The following ZNF106 variants were observed in gnomAD, a reference collection of about 807,000 sequenced individuals.
ZNF106 encodes the protein SH3-domain binding protein 3.
Under a neutral mutation model 195.1 loss-of-function variants are expected in ZNF106, and 67 were observed. The observed-to-expected ratio is 0.34, with a 90% CI of 0.28 to 0.42. The LOEUF is 0.42. ZNF106 is among the 10% of genes least tolerant of loss of function. The probability of loss-of-function intolerance (pLI) is 1.00; values close to 1 mark genes in which losing one functional copy is unlikely to be tolerated. For missense variants in ZNF106, 2,118 were observed against 2,304.5 expected, an observed-to-expected ratio of 0.92 and a Z score of 1.66; for synonymous variants, 784 against 818.6, an observed-to-expected ratio of 0.96 and a Z score of 0.72.
In ZNF106 at chr15:42,457,621, C is replaced by T. The variant is rs943851439; in HGVS notation, c.117-463G>A. 3.5e-5 allele frequency: 28 copies of T among 808,094 alleles called. No homozygotes were observed. In the East Asian group the frequency reaches 3.5e-4, roughly 10 times the overall value. 50.1% of individuals were successfully genotyped at this position (808,094 alleles called of 1,614,324 possible). A position where few individuals can be genotyped will look rare whatever the true frequency, so the allele number is the denominator to read the frequency against. ...AAGGGGTGGAAACAAGAGTAGGTGG[C>T]GCAGCCAATCCCAAGTCGGTAACTA... On this transcript the variant is annotated intron_variant, in intron 3 of 21. Coordinates refer to ENST00000564754, the MANE Select transcript of ZNF106 (RefSeq NM_001366845.3).
chr15:42,422,486 G>T lies in ZNF106; in HGVS notation c.5373+15C>A. ...CCCCAAATCATTCAAGCAAAATACT[G>T]AATCTAAATTCTACCTGTAATTCAT... On this transcript the variant is annotated intron_variant, in intron 18 of 21. Coordinates refer to ENST00000564754, the MANE Select transcript of ZNF106 (RefSeq NM_001366845.3). 6.2e-7 allele frequency: 1 copy of T among 1,609,520 alleles called. No individual in the cohort carries two copies.
chr15:42,418,020 A>AG, intron 20 of ZNF106, 69 bp from the exon 21 acceptor site: 1 of 1,508,764 alleles, frequency 6.6e-7, no homozygotes, highest in South Asian at 1.3e-5. Context: ...AACAGCCCCC[A>AG]GCTGGATCCC....
intron 2 of ZNF106, 108 bp downstream of exon 2, chr15:42,472,128 C>G: frequency 9.4e-7 from 1 of 1,067,160 alleles, no homozygotes; most frequent in Non-Finnish European, 1.3e-6. Flanking sequence ...ATTGTCAAAG[C>G]TTTTCCTATT....
intron 15 of ZNF106, among the ~76,000 whole-genome samples, chr15:42,426,517 A>G (rs1566997474): frequency 6.7e-6 from 1 of 149,788 alleles, no homozygotes; most frequent in Non-Finnish European, 1.5e-5. Context: ...CACCTGCCTC[A>G]GCTTCCTGAG....
At chr15:42,423,100 G>A (rs1452658653) in intron 17 of ZNF106, among the ~76,000 whole-genome samples, 1 of 151,940 alleles carries the variant, frequency 6.6e-6, no homozygotes, top group Non-Finnish European at 1.5e-5. Flanking sequence ...GGGCACAGTG[G>A]CTCACACCTA....
In ZNF106 at chr15:42,421,956, G is replaced by C. The variant is rs999927077; in HGVS notation, c.5406C>G (p.His1802Gln). Reference sequence around the variant, plus strand: ...TGGTCATACACATAATCATGTCTTTGTGTCCTCCATAAACTTGTAATCGAT... The same window carrying C: ...TGGTCATACACATAATCATGTCTTTCTGTCCTCCATAAACTTGTAATCGAT... ...SHDRLQVYGG[H>Q]KDMIMCMTIH... Residue 1802 changes from histidine to glutamine, a missense_variant, in exon 19 of 22, where the codon CAC (histidine) becomes CAG (glutamine). Transcript: ENST00000564754. The C allele has an allele frequency of 2.5e-6, 4 of 1,582,522 alleles. No homozygotes were observed.
intron 1 of ZNF106, among the ~76,000 whole-genome samples, chr15:42,477,526 T>C (rs1454607085): frequency 6.6e-6 from 1 of 152,168 alleles, no homozygotes; most frequent in Non-Finnish European, 1.5e-5. Flanking sequence ...GGAGGATGGC[T>C]TGAAGCCAGG....
intron 1 of ZNF106, among the ~76,000 whole-genome samples, chr15:42,486,955 C>T (rs2057029554): frequency 6.6e-6 from 1 of 151,650 alleles, no homozygotes; most frequent in Non-Finnish European, 1.5e-5. Flanking sequence ...TTGAGACCAG[C>T]CTGGCCAACA....
chr15:42,475,224 G>A (rs1032877868), intron 1 of ZNF106, among the ~76,000 whole-genome samples: 2 of 152,182 alleles, frequency 1.3e-5, no homozygotes, highest in African/African-American at 4.8e-5. Context: ...AGGCCGAGGT[G>A]GGTGGATAAC....
rs768784733 is a variant in ZNF106, at chr15:42,437,378, C to T, written c.4601-1G>A. On this transcript the variant is annotated splice_acceptor_variant, in intron 12 of 21. Coordinates refer to ENST00000564754, the MANE Select transcript of ZNF106 (RefSeq NM_001366845.3). LOFTEE classifies it high-confidence loss of function. ...TCATCTCCTGGCTCTGAAGATATTT[C>T]TGGAAAACAAGAATAGGTTTCAGAG... The T allele has an allele frequency of 2.5e-6, 4 of 1,612,470 alleles. No individual in the cohort carries two copies. Among genetic ancestry groups the T allele is most frequent in the Admixed American group, 3.4e-5 (2 of 59,406 alleles).
At chr15:42,452,824 T>A (rs1456493440) in intron 4 of ZNF106, among the ~76,000 whole-genome samples, 1 of 151,742 alleles carries the variant, frequency 6.6e-6, no homozygotes, top group Non-Finnish European at 1.5e-5. Flanking sequence ...TAGCTGGGAT[T>A]ACAGGCATGC....
At chr15:42,429,418 G>A (rs985717949) in intron 14 of ZNF106, among the ~76,000 whole-genome samples, 1 of 151,202 alleles carries the variant, frequency 6.6e-6, no homozygotes, top group Non-Finnish European at 1.5e-5. Context: ...CAGCCTGGGC[G>A]ACACAGCGAG....
chr15:42,467,327 T>C (rs1322095516), intron 2 of ZNF106, among the ~76,000 whole-genome samples: 1 of 152,210 alleles, frequency 6.6e-6, no homozygotes, highest in African/African-American at 2.4e-5. Flanking sequence ...CTGCATTCCG[T>C]GTGAAGTCCC....
intron 1 of ZNF106, among the ~76,000 whole-genome samples, chr15:42,483,388 C>T (rs1299463656): frequency 6.6e-6 from 1 of 152,158 alleles, no homozygotes; most frequent in Non-Finnish European, 1.5e-5. Flanking sequence ...ACATATCCTC[C>T]ATCATGCGAT....
At position 42,415,297 on chromosome 15, in the gene ZNF106, T is replaced by C. The variant is rs1379265955; in HGVS notation, c.*2007A>G. 5.5e-6 allele frequency: 2 copies of C among 361,788 alleles called. No individual in the cohort carries two copies. Among genetic ancestry groups the C allele is most frequent in the East Asian group, 7.6e-5 (1 of 13,094 alleles). The allele number at this position is 361,788 out of a possible 1,614,324, so 22.4% of individuals were successfully genotyped here. The stretch of plus-strand genomic sequence containing the variant: ...CCACCACACCCAGCTAATTTTTGTA[T>C]TTTTAATAGAGACGGGGTTTCACTA... On this transcript the variant is annotated 3_prime_UTR_variant, in exon 22 of 22. Coordinates refer to ENST00000564754, the MANE Select transcript of ZNF106 (RefSeq NM_001366845.3).
chr15:42,424,939 C>G lies in ZNF106; in HGVS notation c.5085G>C (p.Leu1695=), dbSNP rs750593789. Residue 1695 remains leucine (L), a synonymous_variant, in exon 16 of 22, where the codon CTG becomes CTC. Coordinates refer to ENST00000564754, the MANE Select transcript of ZNF106 (RefSeq NM_001366845.3). ...LATAQEGARK[L]LVVGSYDCTI... ...TGCAGTCATAAGACCCCACGACCAG[C>G]AGTTTTCGGGCACCTTCCTGAGCTG... 1 of 1,614,076 alleles carries G rather than the reference C, an allele frequency of 6.2e-7. No homozygotes were observed. Among genetic ancestry groups the G allele is most frequent in the Non-Finnish European group, 8.5e-7 (1 of 1,180,044 alleles).
At chr15:42,465,503 C>T (rs2056494884) in intron 3 of ZNF106, among the ~76,000 whole-genome samples, 1 of 152,070 alleles carries the variant, frequency 6.6e-6, no homozygotes, top group Non-Finnish European at 1.5e-5. Context: ...TCTCAAACTC[C>T]TGGGCTCAAG....
Position 42,450,807 on chromosome 15 carries a change from T to C in ZNF106, c.1465A>G (p.Lys489Glu). 6.2e-7 allele frequency: 1 copy of C among 1,614,178 alleles called. No individual in the cohort carries two copies. The highest frequency in any genetic ancestry group is 8.5e-7 in the Non-Finnish European group (1 of 1,180,028). ...PCPATKSLSQ[K>E]QDPKNISKNT... ...TTTGAGATATTCTTTGGATCTTGCTTTTGAGACAATGATTTAGTGGCTGGA... is the reference window on the plus strand; with the variant it reads ...TTTGAGATATTCTTTGGATCTTGCTCTTGAGACAATGATTTAGTGGCTGGA... The change falls in exon 5 of 22, where the codon AAG becomes GAG. Residue 489 changes from lysine (K) to glutamate (E), a missense_variant. By Grantham distance (56) the Lys-to-Glu change is moderately conservative (BLOSUM62 1). Transcript: ENST00000564754.
At chr15:42,475,437 G>A (rs1479352045) in intron 1 of ZNF106, among the ~76,000 whole-genome samples, 1 of 151,926 alleles carries the variant, frequency 6.6e-6, no homozygotes, top group South Asian at 2.1e-4. Flanking sequence ...GCGAGACTCT[G>A]TCTCAAAAAA....
Sources: gnomAD v4.1 joint callset for allele counts (sites outside exome capture counted in the v4.1 genomes callset) on GRCh38, gnomAD v4.1.1 for gene constraint, MANE v1.5 for transcripts, NCBI Gene and HGNC (gene_info 2026-07-23, HGNC 2026-07-21) for gene names.